The following NR3C2 variants were observed in gnomAD, a reference collection of about 807,000 sequenced individuals.
NR3C2 encodes the protein mineralocorticoid receptor.
A neutral mutation model predicts 86.4 loss-of-function variants in NR3C2; 15 were observed. The ratio of observed to expected loss-of-function variants is 0.17; its 90% CI spans 0.12 to 0.27. The LOEUF (loss-of-function observed/expected upper bound fraction) is 0.27. Ranked by LOEUF, NR3C2 falls within the 10% of genes least tolerant of loss-of-function variation. NR3C2 has a pLI of 1.00. For missense variants in NR3C2, 960 were observed against 1,195.6 expected (o/e 0.80, Z 2.91); for synonymous variants, 458 against 450.5 (o/e 1.02, Z -0.21).
At chr4:148,129,691 G>C (rs1188627767) in intron 6 of NR3C2, among the ~76,000 whole-genome samples, 12 of 152,092 alleles carry the variant, frequency 7.9e-5, no homozygotes. Context: ...CGCCTCCCTG[G>C]TTCAAGCGAT....
intron 8 of NR3C2, among the ~76,000 whole-genome samples, chr4:148,095,155 G>A (rs1031911392): frequency 2.7e-5 from 4 of 146,598 alleles, no homozygotes; most frequent in African/African-American, 1.1e-4. Flanking sequence ...TGGATAAAAT[G>A]GTAAACTGTG....
At chr4:148,121,977 T>C (rs1336726742) in intron 6 of NR3C2, among the ~76,000 whole-genome samples, 3 of 152,198 alleles carry the variant, frequency 2.0e-5, no homozygotes, top group African/African-American at 7.2e-5. Context: ...ACAGAACTTC[T>C]GAGTCATAGA....
intron 2 of NR3C2, among the ~76,000 whole-genome samples, chr4:148,396,535 C>CT (rs1747869103): frequency 1.3e-5 from 2 of 152,170 alleles, no homozygotes; most frequent in Admixed American, 1.3e-4. Flanking sequence ...TATTTTCCTT[C>CT]TATAGTCAAC....
rs536224420 is a variant in NR3C2 at position 148,320,061 on chromosome 4, A to C, written c.1758-59944T>G. Among the ~76,000 whole-genome samples the C allele has an allele frequency of 3.1e-4, 40 of 130,284 alleles. No individual in the cohort carries two copies. The South Asian group carries it at 0.011, about 35-fold the overall frequency. The allele number at this position is 130,284 out of a possible 152,430, so 85.5% of individuals were successfully genotyped here. ...TTTGAAATACGTCCCATCATTACCT[A>C]ATTTATTGAGAGTTTTTAGCATGAA... is the stretch of plus-strand genomic sequence containing the variant. On this transcript the variant is annotated intron_variant, in intron 2 of 8. Coordinates refer to ENST00000358102, the MANE Select transcript of NR3C2 (RefSeq NM_000901.5).
intron 2 of NR3C2, among the ~76,000 whole-genome samples, chr4:148,260,484 T>G (rs1740041453): frequency 6.6e-6 from 1 of 152,174 alleles, no homozygotes; most frequent in Non-Finnish European, 1.5e-5. Flanking sequence ...GTCCTTTTAT[T>G]TTTGCATCAA....
intron 4 of NR3C2, among the ~76,000 whole-genome samples, chr4:148,185,080 C>T (rs1735830131): frequency 6.6e-6 from 1 of 152,228 alleles, no homozygotes; most frequent in Non-Finnish European, 1.5e-5. Context: ...ACCACCTCCG[C>T]CACTGCCAAC....
intron 6 of NR3C2, among the ~76,000 whole-genome samples, chr4:148,139,585 G>C (rs1260462636): frequency 6.6e-6 from 1 of 152,202 alleles, no homozygotes; most frequent in African/African-American, 2.4e-5. Flanking sequence ...TATTTCAAGG[G>C]AGAGGGGCAC....
chr4:148,090,013 C>G (rs370357935), intron 8 of NR3C2, among the ~76,000 whole-genome samples: 1 of 152,188 alleles, frequency 6.6e-6, no homozygotes, highest in South Asian at 2.1e-4. Flanking sequence ...GGTGGCCACA[C>G]CTTTCACATT....
At position 148,435,246 on chromosome 4, in the gene NR3C2, C is replaced by A. The variant is rs72645626; in HGVS notation, c.1615G>T (p.Ala539Ser). The A allele has an allele frequency of 1.7e-5, 28 of 1,614,058 alleles. No individual in the cohort carries two copies. In the African/African-American group the frequency reaches 3.3e-4, roughly 19 times the overall value. The change falls in exon 2 of 9, where the codon GCT (alanine) becomes TCT (serine). Residue 539 changes from alanine to serine, a missense_variant. Transcript: ENST00000358102. The part of the protein sequence containing the change: ...AQGTISLSRS[A>S]RDQSFQHLSS... ...AGGTGTTGGAAAGATTGGTCTCTAG[C>A]CGATCGTGATAAAGATATTGTACCT... is the stretch of plus-strand genomic sequence containing the variant.
intron 6 of NR3C2, among the ~76,000 whole-genome samples, chr4:148,130,790 T>C (rs1174419820): frequency 8.2e-6 from 1 of 122,100 alleles, no homozygotes; most frequent in African/African-American, 3.1e-5. Context: ...TGAACACGTT[T>C]TTTTTTTTGT....
chr4:148,378,498 G>T (rs1746791256), intron 2 of NR3C2, among the ~76,000 whole-genome samples: 1 of 152,142 alleles, frequency 6.6e-6, no homozygotes, highest in Non-Finnish European at 1.5e-5. Context: ...GGAGGTGACT[G>T]GATCATGGGG....
chr4:148,312,775 C>T (rs1490926385), intron 2 of NR3C2, among the ~76,000 whole-genome samples: 2 of 152,070 alleles, frequency 1.3e-5, no homozygotes, highest in Non-Finnish European at 2.9e-5. Flanking sequence ...AATAATCAGA[C>T]TTTCTAAGTT....
chr4:148,281,886 T>C (rs1351815861), intron 2 of NR3C2, among the ~76,000 whole-genome samples: 1 of 152,198 alleles, frequency 6.6e-6, no homozygotes, highest in Non-Finnish European at 1.5e-5. Flanking sequence ...TGCTACAAAA[T>C]ACATAGAAAT....
chr4:148,226,894 C>A (rs1738198155), intron 3 of NR3C2, among the ~76,000 whole-genome samples: 1 of 152,128 alleles, frequency 6.6e-6, no homozygotes, highest in Admixed American at 6.5e-5. Context: ...TTAAGCCTGT[C>A]TTTAAGTCTT....
At chr4:148,188,741 T>C (rs62331992) in intron 4 of NR3C2, among the ~76,000 whole-genome samples, 36,951 of 151,830 alleles carry the variant, frequency 0.24, 4,636 homozygotes, top group South Asian at 0.38. Flanking sequence ...TCTTGTCTGA[T>C]CGCTCTGGCT....
At chr4:148,174,717 T>C (rs183062630) in intron 4 of NR3C2, among the ~76,000 whole-genome samples, 36 of 152,114 alleles carry the variant, frequency 2.4e-4, no homozygotes, top group African/African-American at 8.7e-4. Context: ...CATTTCCAGG[T>C]TGGTTTCCTC....
chr4:148,173,842 A>AAGCGAAGG, intron 4 of NR3C2, among the ~76,000 whole-genome samples: 1 of 152,304 alleles, frequency 6.6e-6, no homozygotes, highest in Non-Finnish European at 1.5e-5. Context: ...TTCAGCACTG[A>AAGCGAAGG]AGCGAAGGAG....
At chr4:148,245,840 G>T (rs1156838669) in intron 3 of NR3C2, among the ~76,000 whole-genome samples, 2 of 152,154 alleles carry the variant, frequency 1.3e-5, no homozygotes, top group Non-Finnish European at 2.9e-5. Flanking sequence ...TGGAAATTTT[G>T]TATGAAGAAA....
intron 2 of NR3C2, among the ~76,000 whole-genome samples, chr4:148,371,573 G>C (rs976726646): frequency 1.3e-5 from 2 of 151,478 alleles, no homozygotes; most frequent in Non-Finnish European, 2.9e-5. Context: ...TAGTGACCTT[G>C]TGTGCACCCA....
Sources: allele counts gnomAD v4.1 joint callset (sites outside exome capture counted in the v4.1 genomes callset), GRCh38; gene constraint gnomAD v4.1.1; transcripts MANE v1.5; gene names NCBI Gene and HGNC (gene_info 2026-07-23, HGNC 2026-07-21).